The following FUT9 variants were observed in gnomAD, a reference collection of about 807,000 sequenced individuals.
FUT9 encodes fucosyltransferase 9.
A neutral mutation model predicts 29.7 loss-of-function variants in FUT9; 15 were observed. The ratio of observed to expected loss-of-function variants is 0.51; its 90% confidence interval spans 0.34 to 0.78. FUT9 has a LOEUF of 0.78. FUT9 is among the 30% of genes least tolerant of loss of function. FUT9 has a pLI of 0.01. For missense variants in FUT9, 319 were observed against 425.4 expected, an observed-to-expected ratio of 0.75 and a Z score of 2.20; for synonymous variants, 169 against 153.7, an observed-to-expected ratio of 1.10 and a Z score of -0.74.
chr6:96,153,796 A>T (rs990015039), intron 2 of FUT9, among the ~76,000 whole-genome samples: 2 of 147,186 alleles, frequency 1.4e-5, no homozygotes, highest in Non-Finnish European at 3.0e-5. Context: ...CACTGCTGTC[A>T]TTTAAAAAAA....
chr6:96,075,820 A>G (rs1771134742), intron 1 of FUT9, among the ~76,000 whole-genome samples: 1 of 152,190 alleles, frequency 6.6e-6, no homozygotes, highest in South Asian at 2.1e-4. Flanking sequence ...AGAGGCCTGT[A>G]GGATTCTAAA....
At chr6:96,068,106 G>A (rs953871419) in intron 1 of FUT9, among the ~76,000 whole-genome samples, 34 of 152,100 alleles carry the variant, frequency 2.2e-4, no homozygotes, top group Admixed American at 8.5e-4. Flanking sequence ...TCCAACTTTG[G>A]ATTAATCATT....
chr6:96,028,921 C>T (rs987350498), intron 1 of FUT9, among the ~76,000 whole-genome samples: 3 of 151,532 alleles, frequency 2.0e-5, no homozygotes, highest in African/African-American at 7.3e-5. Context: ...AATTAAAACT[C>T]ATGAACAGGA....
At chr6:96,036,336 G>A (rs892871550) in intron 1 of FUT9, among the ~76,000 whole-genome samples, 1 of 151,446 alleles carries the variant, frequency 6.6e-6, no homozygotes, top group African/African-American at 2.4e-5. Context: ...ATTATGAAGA[G>A]TAAATATATA....
chr6:96,160,704 T>C (rs1562147130), intron 2 of FUT9, among the ~76,000 whole-genome samples: 1 of 152,162 alleles, frequency 6.6e-6, no homozygotes, highest in Non-Finnish European at 1.5e-5. Flanking sequence ...AACTAGCTCT[T>C]ATCTATGGAA....
rs1265014896 is a variant in FUT9, at chr6:96,213,910, C to G, written c.*9675C>G. 1 of 166,808 alleles carries G rather than the reference C, an allele frequency of 6.0e-6. No homozygotes were observed. The highest frequency in any genetic ancestry group is 1.9e-4 in the East Asian group (1 of 5,198). 10.3% of individuals were successfully genotyped at this position (166,808 alleles called of 1,614,324 possible). On this transcript the variant is annotated 3_prime_UTR_variant, in exon 3 of 3. Coordinates refer to ENST00000302103, the MANE Select transcript of FUT9 (RefSeq NM_006581.4). ...TTTATATTAGGTGAAAAATTGCATGCAATTGGTGAATCATGCAGCTTTGGG... is the reference window on the plus strand; with the variant it reads ...TTTATATTAGGTGAAAAATTGCATGGAATTGGTGAATCATGCAGCTTTGGG...
At chr6:96,177,800 AT>A (rs989049573) in intron 2 of FUT9, among the ~76,000 whole-genome samples, 1 of 152,022 alleles carries the variant, frequency 6.6e-6, no homozygotes, top group Non-Finnish European at 1.5e-5. Context: ...AATTATTATC[AT>A]TTTTTTACTT....
At chr6:96,085,200 T>C (rs892478542) in intron 1 of FUT9, among the ~76,000 whole-genome samples, 2 of 152,206 alleles carry the variant, frequency 1.3e-5, no homozygotes, top group East Asian at 1.9e-4. Flanking sequence ...AAGGATGTCT[T>C]AGTCCATTTG....
intron 2 of FUT9, among the ~76,000 whole-genome samples, chr6:96,138,941 A>G (rs559181498): frequency 1.2e-4 from 19 of 152,306 alleles, no homozygotes; most frequent in African/African-American, 4.3e-4. Context: ...TTGGAAAAAT[A>G]TATCAACTAC....
chr6:96,046,989 T>C (rs1342457093), intron 1 of FUT9, among the ~76,000 whole-genome samples: 1 of 152,174 alleles, frequency 6.6e-6, no homozygotes, highest in Non-Finnish European at 1.5e-5. Flanking sequence ...GAAAACTTTA[T>C]CTCTGAAACT....
In FUT9 at chr6:96,138,399, CAAAG is replaced by C. The variant is rs530639985; in HGVS notation, c.-9+24276_-9+24279del. ...CTGTAAAAATAGATCAGGACGCTGA[CAAAG>C]AAAAATTATGGCTTTCCAAAAAAGG... On this transcript the variant is annotated intron_variant, in intron 2 of 2. Transcript: ENST00000302103. Among the ~76,000 whole-genome samples the C allele has an allele frequency of 3.5e-4, 52 of 149,978 alleles. 1 individual carries two copies. The South Asian group carries it at 0.011, about 31-fold the overall frequency.
At chr6:96,195,182 AATG>A in intron 2 of FUT9, among the ~76,000 whole-genome samples, 1 of 152,200 alleles carries the variant, frequency 6.6e-6, no homozygotes. Flanking sequence ...CTGAGGCAAA[AATG>A]AAGGAAGAAG....
At chr6:96,109,079 C>T (rs1771748935) in intron 1 of FUT9, among the ~76,000 whole-genome samples, 1 of 152,194 alleles carries the variant, frequency 6.6e-6, no homozygotes, top group African/African-American at 2.4e-5. Context: ...CAGGATTTGG[C>T]TCCATGACCT....
intron 1 of FUT9, among the ~76,000 whole-genome samples, chr6:96,018,359 A>G (rs1049014385): frequency 1.3e-5 from 2 of 152,196 alleles, no homozygotes; most frequent in South Asian, 4.1e-4. Context: ...AATTCCAATT[A>G]ACATGAAAAT....
At chr6:96,185,792 A>G (rs917483398) in intron 2 of FUT9, among the ~76,000 whole-genome samples, 1 of 152,116 alleles carries the variant, frequency 6.6e-6, no homozygotes, top group Non-Finnish European at 1.5e-5. Flanking sequence ...AAAATATGGA[A>G]CTTTCTTCTG....
chr6:96,035,906 TAA>T (rs1770354217), intron 1 of FUT9, among the ~76,000 whole-genome samples: 1 of 91,226 alleles, frequency 1.1e-5, no homozygotes, highest in Non-Finnish European at 2.2e-5. Context: ...TAATATAATA[TAA>T]TACATTATGT....
intron 1 of FUT9, among the ~76,000 whole-genome samples, chr6:96,026,543 A>G (rs980232190): frequency 6.6e-6 from 1 of 151,842 alleles, no homozygotes; most frequent in African/African-American, 2.4e-5. Context: ...TGTATTGTAA[A>G]TCAAAATCAT....
Position 96,173,440 on chromosome 6 carries a change from C to T in FUT9, c.-8-29708C>T, listed in dbSNP as rs182640810. Among the ~76,000 whole-genome samples, 6 of 152,174 alleles carry T rather than the reference C, an allele frequency of 3.9e-5. No homozygotes were observed. In the East Asian group the frequency reaches 7.7e-4, roughly 20 times the overall value. On this transcript the variant is annotated intron_variant, in intron 2 of 2. Coordinates refer to ENST00000302103, the MANE Select transcript of FUT9 (RefSeq NM_006581.4). ...TGAACAGTACTCAACATAAAGTTCA[C>T]GACTGATCATATTTCTTGGATAAGT...
chr6:96,181,988 T>G (rs919768080), intron 2 of FUT9, among the ~76,000 whole-genome samples: 7 of 152,226 alleles, frequency 4.6e-5, no homozygotes, highest in Middle Eastern at 6.8e-3. Flanking sequence ...TTTTAGTTCT[T>G]TAAGGAATCT....
Sources: gnomAD v4.1 joint callset for allele counts (sites outside exome capture counted in the v4.1 genomes callset) on GRCh38, gnomAD v4.1.1 for gene constraint, MANE v1.5 for transcripts, NCBI Gene and HGNC (gene_info 2026-07-23, HGNC 2026-07-21) for gene names.